The following PCNT variants were observed in gnomAD, a reference collection of about 807,000 sequenced individuals.
PCNT encodes the protein kendrin.
In PCNT, 319 loss-of-function variants were observed where a neutral mutation model predicts 380.4. That is an observed-to-expected ratio of 0.84 (90% CI 0.77 to 0.92). PCNT has a LOEUF of 0.92. Among genes scored for constraint, PCNT ranks in the 40% least tolerant of loss-of-function variants. PCNT has a pLI of 0.00. For synonymous variants in PCNT, 1,845 were observed against 1,735.2 expected (o/e 1.06, Z -1.57); for missense variants, 4,400 against 4,255.3 (o/e 1.03, Z -0.95).
Position 46,398,103 on chromosome 21 carries a change from G to A in PCNT, c.4536G>A (p.Pro1512=), listed in dbSNP as rs565863968. ...LEGQLRQAAK[P]QPWGPRDSQQ... is the part of the protein sequence containing the mutation. The stretch of plus-strand genomic sequence containing the variant: ...GGCAGCTCCGCCAGGCGGCCAAGCC[G>A]CAGCCCTGGGGCCCTCGCGACAGCC... The change falls in exon 23 of 47, where the codon CCG becomes CCA. Residue 1512 remains proline (P), a synonymous_variant. Transcript: ENST00000359568. 1.3e-5 allele frequency: 21 copies of A among 1,603,326 alleles called. No homozygotes were observed. The highest frequency in any genetic ancestry group is 1.7e-5 in the Non-Finnish European group (20 of 1,175,932).
intron 38 of PCNT, 76 bp downstream of exon 38, chr21:46,432,291 G>C (rs980563507): frequency 6.4e-6 from 9 of 1,413,344 alleles, no homozygotes; most frequent in Non-Finnish European, 8.7e-6. Context: ...TCACGTGGGG[G>C]ACGCGAGATT....
chr21:46,415,991 C>A, intron 29 of PCNT, 78 bp from the exon 30 acceptor site: 2 of 1,425,464 alleles, frequency 1.4e-6, no homozygotes, highest in Non-Finnish European at 2.0e-6. Flanking sequence ...TCCCTGAAAT[C>A]CACTCATTAA....
chr21:46,383,450 C>T (rs73907473), intron 16 of PCNT, among the ~76,000 whole-genome samples: 17,866 of 133,158 alleles, frequency 0.13, 4,120 homozygotes, highest in African/African-American at 0.44. Context: ...CGGTGTTGTG[C>T]GTTCAGTGGC....
chr21:46,381,554 G>A (rs989069123), intron 15 of PCNT, 140 bp from the exon 16 acceptor site: 2 of 761,692 alleles, frequency 2.6e-6, no homozygotes, highest in East Asian at 2.5e-5. Context: ...TTTGATGGGG[G>A]CTGTGGTCTG....
At chr21:46,444,913 T>G (rs112051035) in intron 46 of PCNT, 92 bp downstream of exon 46, 1 of 1,200,016 alleles carries the variant, frequency 8.3e-7, no homozygotes, top group East Asian at 2.3e-5. Flanking sequence ...GTATTCAGCT[T>G]AGTAACCAAA....
chr21:46,438,111 T>C lies in PCNT; in HGVS notation c.9100-53T>C, dbSNP rs1353939383. The stretch of plus-strand genomic sequence containing the variant: ...AACTGTTGACAAAAAACACAAGTAA[T>C]GTTCATGCCCTTTAACAACAAATTC... On this transcript the variant is annotated intron_variant, in intron 40 of 46. Coordinates refer to ENST00000359568, the MANE Select transcript of PCNT (RefSeq NM_006031.6). 12 of 1,397,724 alleles carry C rather than the reference T, an allele frequency of 8.6e-6. No homozygotes were observed. The East Asian group carries it at 2.8e-4, about 33-fold the overall frequency. 86.6% of individuals were successfully genotyped at this position (1,397,724 alleles called of 1,614,324 possible).
chr21:46,330,801 G>A (rs1174224594), intron 2 of PCNT, among the ~76,000 whole-genome samples: 2 of 152,220 alleles, frequency 1.3e-5, no homozygotes, highest in Admixed American at 6.5e-5. Context: ...TGGTGGCCGT[G>A]TGGCCGAATA....
At chr21:46,324,417 CGGCTCCGCTGGAAGCCGCCTCCT>C in intron 1 of PCNT, 135 bp downstream of exon 1, 1 of 804,530 alleles carries the variant, frequency 1.2e-6, no homozygotes, top group Admixed American at 2.1e-5. Flanking sequence ...TTTTTCCCGC[CGGCTCCGCTGGAAGCCGCCTCCT>C]GGCCGCCGCC....
At chr21:46,356,337 G>A (rs908739221) in intron 12 of PCNT, among the ~76,000 whole-genome samples, 18 of 152,220 alleles carry the variant, frequency 1.2e-4, no homozygotes, top group African/African-American at 4.3e-4. Context: ...CAAGCTGGGG[G>A]TGGTGCAGCG....
intron 18 of PCNT, 78 bp from the exon 19 acceptor site, chr21:46,389,121 T>TCCTTGTC (rs1310792452): frequency 1.6e-4 from 231 of 1,444,354 alleles, no homozygotes; most frequent in Non-Finnish European, 2.2e-4. Context: ...TTCTGTGGCT[T>TCCTTGTC]CCTTGTCGTC....
At chr21:46,349,952 A>G (rs947868789) in intron 8 of PCNT, 132 bp downstream of exon 8, 124 of 908,406 alleles carry the variant, frequency 1.4e-4, no homozygotes, top group Non-Finnish European at 2.8e-5. Flanking sequence ...GGCTGGGAAC[A>G]GTGGTTCACG....
rs780772041 is a variant in PCNT, at chr21:46,366,608, C to A, written c.2634C>A (p.Ile878=). 1.2e-6 allele frequency: 2 copies of A among 1,613,964 alleles called. No homozygotes were observed. The highest frequency in any genetic ancestry group is 1.7e-6 in the Non-Finnish European group (2 of 1,180,006). The change falls in exon 15 of 47, where the codon ATC becomes ATA. Residue 878 remains isoleucine, a synonymous_variant. Transcript: ENST00000359568. The stretch of plus-strand genomic sequence containing the variant: ...GGTTTTTAGAGGAACGTAAAGAGAT[C>A]ACCGAGAAATTCAGTGCGGAACAAG... ...RSRFLEERKE[I]TEKFSAEQDA...
Position 46,432,098 on chromosome 21 carries a change from ACACC to A in PCNT, c.8638_8641del (p.Pro2880GlyfsTer2). ...GGTTGCAGGCAGAATTAGAGCAGTCACACCCACGGTTGAAAGAGCAAGAAGGACG... is the reference window on the plus strand; with the variant it reads ...GGTTGCAGGCAGAATTAGAGCAGTCACACGGTTGAAAGAGCAAGAAGGACG... On this transcript the variant is annotated frameshift_variant, in exon 38 of 47. Coordinates refer to ENST00000359568, the MANE Select transcript of PCNT (RefSeq NM_006031.6). LOFTEE classifies it high-confidence loss of function. The A allele has an allele frequency of 6.2e-7, 1 of 1,614,162 alleles. No homozygotes were observed. The highest frequency in any genetic ancestry group is 1.3e-5 in the African/African-American group (1 of 75,066).
rs1393357327 is a variant in PCNT, at chr21:46,445,684, C to T, written c.*357C>T. ...CCTGTTGTTTTGTTTATTTTCTTAA[C>T]GTGTACAGATGGAAACTTCATTTAA... is the stretch of plus-strand genomic sequence containing the variant. On this transcript the variant is annotated 3_prime_UTR_variant, in exon 47 of 47. Transcript: ENST00000359568. 1 of 255,392 alleles carries T rather than the reference C, an allele frequency of 3.9e-6. No individual in the cohort carries two copies. The highest frequency in any genetic ancestry group is 8.6e-5 in the South Asian group (1 of 11,576). 15.8% of individuals were successfully genotyped at this position (255,392 alleles called of 1,614,324 possible). A position where few individuals can be genotyped will look rare whatever the true frequency, so the allele number is the denominator to read the frequency against.
intron 2 of PCNT, among the ~76,000 whole-genome samples, chr21:46,331,541 C>T (rs116241343): frequency 0.035 from 5,334 of 152,232 alleles, 134 homozygotes; most frequent in Middle Eastern, 0.089. Context: ...CAAGGTCAGG[C>T]ATGGTGGCTC....
intron 11 of PCNT, among the ~76,000 whole-genome samples, chr21:46,354,971 C>A (rs1410177080): frequency 6.6e-6 from 1 of 152,196 alleles, no homozygotes; most frequent in African/African-American, 2.4e-5. Context: ...GGGTGGGTAG[C>A]CCCACCAGGC....
Position 46,334,320 on chromosome 21 carries a change from A to G in PCNT, c.268-77A>G, listed in dbSNP as rs998611329. The G allele has an allele frequency of 3.7e-6, 6 of 1,604,272 alleles. No individual in the cohort carries two copies. The African/African-American group carries it at 5.4e-5, about 14-fold the overall frequency. On this transcript the variant is annotated intron_variant, in intron 2 of 46. Transcript: ENST00000359568. ...ATGAAGTCAGCACAGGCCTGCAGAT[A>G]GAGGAGCTGGGAAGGGCCTGAGGCT...
rs61735820 is a variant in PCNT at position 46,430,119 on chromosome 21, G to C, written c.7800G>C (p.Ala2600=). 6.2e-7 allele frequency: 1 copy of C among 1,614,196 alleles called. No homozygotes were observed. Among genetic ancestry groups the C allele is most frequent in the Admixed American group, 1.7e-5 (1 of 60,034 alleles). ...CAAACAGCGTGCAGAAGCTCCTGGC[G>C]GCGGAGCAGACTGTAGTGCGAGATT... ...EKANSVQKLL[A]AEQTVVRDLK... The change falls in exon 36 of 47, where the codon GCG becomes GCC. Residue 2600 remains alanine (A), a synonymous_variant. Transcript: ENST00000359568.
At position 46,324,202 on chromosome 21, in the gene PCNT, G is replaced by A. The variant is rs756865577; in HGVS notation, c.-27G>A. 3.1e-6 allele frequency: 5 copies of A among 1,602,942 alleles called. No individual in the cohort carries two copies. The Admixed American group carries it at 6.8e-5, about 22-fold the overall frequency. On this transcript the variant is annotated 5_prime_UTR_variant, in exon 1 of 47. Coordinates refer to ENST00000359568, the MANE Select transcript of PCNT (RefSeq NM_006031.6). ...GCTCTGTGTCAGCCCCGTCACCGCC[G>A]GGCGGCCCGCGCGGAGTCTGAGGGA...
Sources: gnomAD v4.1 joint callset for allele counts (sites outside exome capture counted in the v4.1 genomes callset) on GRCh38, gnomAD v4.1.1 for gene constraint, MANE v1.5 for transcripts, NCBI Gene and HGNC (gene_info 2026-07-23, HGNC 2026-07-21) for gene names.